The following MTSS1 variants were observed in gnomAD, a reference collection of about 807,000 sequenced individuals.
The protein encoded by MTSS1 is MTSS I-BAR domain containing 1.
Under a neutral mutation model 79.0 loss-of-function variants are expected in MTSS1, and 18 were observed. The ratio of observed to expected loss-of-function variants is 0.23; its 90% CI spans 0.16 to 0.34. The LOEUF (loss-of-function observed/expected upper bound fraction) is 0.34. Among genes scored for constraint, MTSS1 ranks in the 10% least tolerant of loss-of-function variants. The pLI is 1.00. For synonymous variants in MTSS1, 341 were observed against 368.6 expected (o/e 0.93, Z 0.86); for missense variants, 815 against 986.2 (o/e 0.83, Z 2.33).
chr8:124,659,453 A>G (rs1821596440), intron 3 of MTSS1, among the ~76,000 whole-genome samples: 1 of 152,166 alleles, frequency 6.6e-6, no homozygotes, highest in East Asian at 1.9e-4. Flanking sequence ...TTAAAGTGAA[A>G]CACTTAGATT....
chr8:124,697,573 AAAAC>A (rs995036255), intron 3 of MTSS1, among the ~76,000 whole-genome samples: 11 of 152,136 alleles, frequency 7.2e-5, no homozygotes, highest in Non-Finnish European at 1.3e-4. Context: ...AAAAAAACAA[AAAAC>A]AAACAAACAA....
At chr8:124,637,844 T>A (rs896767006) in intron 3 of MTSS1, among the ~76,000 whole-genome samples, 2 of 152,238 alleles carry the variant, frequency 1.3e-5, no homozygotes, top group Admixed American at 6.5e-5. Context: ...GTGCAAACGT[T>A]TACTGAGCCC....
chr8:124,556,945 C>G (rs1823961484), intron 11 of MTSS1, among the ~76,000 whole-genome samples: 1 of 152,202 alleles, frequency 6.6e-6, no homozygotes, highest in Non-Finnish European at 1.5e-5. Flanking sequence ...TCCGAGAAGC[C>G]TTGAGAGGCC....
intron 3 of MTSS1, among the ~76,000 whole-genome samples, chr8:124,661,106 A>G (rs183588984): frequency 3.5e-4 from 53 of 152,358 alleles, no homozygotes; most frequent in African/African-American, 1.1e-3. Context: ...GAGTGTGATC[A>G]TTAAAAAGTT....
At chr8:124,559,252 C>G (rs1235172596) in intron 10 of MTSS1, among the ~76,000 whole-genome samples, 1 of 152,170 alleles carries the variant, frequency 6.6e-6, no homozygotes, top group African/African-American at 2.4e-5. Flanking sequence ...CGCCTGTCAC[C>G]TCTCTTATGT....
Position 124,646,902 on chromosome 8 carries a change from C to T in MTSS1, c.208+52624G>A, listed in dbSNP as rs375505102. Among the ~76,000 whole-genome samples, 22 of 151,706 alleles carry T rather than the reference C, an allele frequency of 1.5e-4. No individual in the cohort carries two copies. In the East Asian group the frequency reaches 2.3e-3, roughly 16 times the overall value. On this transcript the variant is annotated intron_variant, in intron 3 of 13. Coordinates refer to ENST00000518547, the MANE Select transcript of MTSS1 (RefSeq NM_014751.6). ...GCTCTACCATGGCTCACTGCAGCCT[C>T]GAACTCTGGCCTCAAATGGTCCTCC...
chr8:124,679,048 G>A (rs779068606), intron 3 of MTSS1, among the ~76,000 whole-genome samples: 2 of 152,192 alleles, frequency 1.3e-5, no homozygotes, highest in Admixed American at 6.5e-5. Flanking sequence ...CATGGTTGGC[G>A]CTATTCAGAA....
At chr8:124,708,826 G>C (rs1384378079) in intron 1 of MTSS1, among the ~76,000 whole-genome samples, 2 of 151,710 alleles carry the variant, frequency 1.3e-5, no homozygotes, top group Non-Finnish European at 2.9e-5. Context: ...GTCTATCAGA[G>C]AGAGTCAGGC....
chr8:124,642,274 T>A (rs148759591), intron 3 of MTSS1, among the ~76,000 whole-genome samples: 2 of 152,332 alleles, frequency 1.3e-5, no homozygotes, highest in East Asian at 3.9e-4. Flanking sequence ...CAGATAAAGC[T>A]TTCACTCACT....
At chr8:124,599,203 C>T (rs1020958931) in intron 3 of MTSS1, among the ~76,000 whole-genome samples, 3 of 150,278 alleles carry the variant, frequency 2.0e-5, no homozygotes, top group African/African-American at 7.5e-5. Context: ...ATCTAAGTAG[C>T]CGGGTGCGGT....
chr8:124,558,706 C>G (rs751101084), intron 10 of MTSS1: 21 of 1,540,194 alleles, frequency 1.4e-5, no homozygotes, highest in Non-Finnish European at 1.7e-5. Flanking sequence ...GCCACCCGGG[C>G]GGTCACCTTC....
In MTSS1 at chr8:124,727,844, C is replaced by T. The variant is rs1430573744; in HGVS notation, c.72+40G>A. 2.0e-6 allele frequency: 3 copies of T among 1,535,702 alleles called. No homozygotes were observed. Among genetic ancestry groups the T allele is most frequent in the Admixed American group, 2.1e-5 (1 of 47,476 alleles). On this transcript the variant is annotated intron_variant, in intron 1 of 13. Transcript: ENST00000518547. This position sits in a 1 kb window ranked among gnomAD's most constrained non-coding sequence, Gnocchi z 4.7. ...GCGAAGCGCGGCGGCGAGGTCAGAG[C>T]GCGGCGGCCGGCGCCGCAGCCGCAC...
At chr8:124,628,959 A>G (rs74326025) in intron 3 of MTSS1, among the ~76,000 whole-genome samples, 8,750 of 152,212 alleles carry the variant, frequency 0.057, 391 homozygotes, top group East Asian at 0.16. Flanking sequence ...CAGGATCCCA[A>G]AGTATCTTCA....
chr8:124,664,232 G>GT (rs1822630707), intron 3 of MTSS1, among the ~76,000 whole-genome samples: 2 of 152,150 alleles, frequency 1.3e-5, no homozygotes, highest in Non-Finnish European at 2.9e-5. Flanking sequence ...AACCACAGGC[G>GT]TAAGTTCAAC....
intron 3 of MTSS1, among the ~76,000 whole-genome samples, chr8:124,628,949 C>T (rs1815289301): frequency 6.6e-6 from 1 of 152,148 alleles, no homozygotes; most frequent in South Asian, 2.1e-4. Flanking sequence ...ACGGATTTTA[C>T]AGGATCCCAA....
chr8:124,579,445 G>A (rs533971078), intron 6 of MTSS1, among the ~76,000 whole-genome samples: 19 of 152,260 alleles, frequency 1.2e-4, no homozygotes, highest in Non-Finnish European at 2.9e-5. Flanking sequence ...TAGTGGCGAT[G>A]GTTGCATAAC....
chr8:124,675,073 G>A (rs16899956), intron 3 of MTSS1, among the ~76,000 whole-genome samples: 2,761 of 152,276 alleles, frequency 0.018, 81 homozygotes, highest in African/African-American at 0.063. Context: ...CCAGCTCCAA[G>A]AAGTCAGGAA....
chr8:124,667,219 G>T (rs1406296917), intron 3 of MTSS1, among the ~76,000 whole-genome samples: 1 of 152,178 alleles, frequency 6.6e-6, no homozygotes, highest in Non-Finnish European at 1.5e-5. Context: ...AGGGGACCAG[G>T]CCTGGGGCTG....
At chr8:124,564,856 C>G (rs1227284946) in intron 9 of MTSS1, 1 of 152,384 alleles carries the variant, frequency 6.6e-6, no homozygotes, top group Non-Finnish European at 1.5e-5. Context: ...CAGCGTGCAC[C>G]AAAACATCAC....
Sources: gnomAD v4.1 joint callset for allele counts (sites outside exome capture counted in the v4.1 genomes callset) on GRCh38, gnomAD v4.1.1 for gene constraint, Gnocchi (gnomAD v3.1) non-coding constraint, MANE v1.5 for transcripts, NCBI Gene and HGNC (gene_info 2026-07-23, HGNC 2026-07-21) for gene names.